The following ANO2 variants were observed in gnomAD, a reference collection of about 807,000 sequenced individuals.
The protein encoded by ANO2 is anoctamin-2.
Under a neutral mutation model 124.2 loss-of-function variants are expected in ANO2, and 101 were observed. The observed-to-expected ratio is 0.81, with a 90% CI of 0.69 to 0.96. The LOEUF (loss-of-function observed/expected upper bound fraction) is 0.96, where lower values mean the gene tolerates loss of function less well. ANO2 is among the 40% of genes least tolerant of loss of function. The pLI, the probability that ANO2 is intolerant of heterozygous loss-of-function variation, is 0.00. For synonymous variants in ANO2, 486 were observed against 482.5 expected, an observed-to-expected ratio of 1.01 and a Z score of -0.09; for missense variants, 1,293 against 1,274.5, an observed-to-expected ratio of 1.01 and a Z score of -0.22.
chr12:5,860,244 C>T (rs539220258), intron 3 of ANO2, among the ~76,000 whole-genome samples: 2 of 152,294 alleles, frequency 1.3e-5, no homozygotes, highest in African/African-American at 2.4e-5. Context: ...AAGCCTCTTC[C>T]TGAGCCGTGG....
rs182630296 is a variant in ANO2 at position 5,781,470 on chromosome 12, C to A, written c.1055+18037G>T. 1.4e-4 allele frequency among the ~76,000 whole-genome samples: 21 copies of A among 152,264 alleles called. No homozygotes were observed. The East Asian group carries it at 3.9e-3, about 28-fold the overall frequency. On this transcript the variant is annotated intron_variant, in intron 10 of 24. Transcript: ENST00000682330. ...TTACAAGATTGACAAAGTTCTATCT[C>A]TAGGATTGAGATGTTTGCCTGGAGT...
intron 14 of ANO2, among the ~76,000 whole-genome samples, chr12:5,710,090 G>C (rs1356104321): frequency 6.6e-6 from 1 of 152,198 alleles, no homozygotes; most frequent in Non-Finnish European, 1.5e-5. Flanking sequence ...GAACTTAAAA[G>C]TGAGATTAGT....
chr12:5,732,485 A>T, intron 14 of ANO2, 35 bp downstream of exon 14: 1 of 1,562,474 alleles, frequency 6.4e-7, no homozygotes, highest in Non-Finnish European at 8.7e-7. Flanking sequence ...CTCAACAAGT[A>T]AAGAGGACCG....
At chr12:5,740,059 C>A in intron 12 of ANO2, 1 of 442,736 alleles carries the variant, frequency 2.3e-6, no homozygotes, top group South Asian at 1.6e-5. Flanking sequence ...CCTGCCCCAC[C>A]CACGGCCCTT....
intron 3 of ANO2, among the ~76,000 whole-genome samples, chr12:5,870,972 T>C (rs1937655082): frequency 6.6e-6 from 1 of 152,254 alleles, no homozygotes; most frequent in African/African-American, 2.4e-5. Flanking sequence ...GCAAAGTGTT[T>C]TGATCTAACA....
chr12:5,650,349 C>T (rs1245580623), intron 14 of ANO2, among the ~76,000 whole-genome samples: 1 of 152,182 alleles, frequency 6.6e-6, no homozygotes, highest in Non-Finnish European at 1.5e-5. Context: ...AGAAAAAATG[C>T]TCATTTTGAT....
intron 23 of ANO2, among the ~76,000 whole-genome samples, chr12:5,567,713 A>T (rs1335109518): frequency 6.6e-6 from 1 of 152,216 alleles, no homozygotes; most frequent in African/African-American, 2.4e-5. Context: ...CACCTCTGCT[A>T]TTAACTCACC....
intron 14 of ANO2, among the ~76,000 whole-genome samples, chr12:5,663,246 G>C (rs186203608): frequency 6.6e-6 from 1 of 152,230 alleles, no homozygotes; most frequent in Non-Finnish European, 1.5e-5. Flanking sequence ...TCCTTGGCAC[G>C]AGGGGCTTCA....
intron 10 of ANO2, among the ~76,000 whole-genome samples, chr12:5,763,507 T>C (rs1360588902): frequency 1.3e-5 from 2 of 151,992 alleles, no homozygotes; most frequent in Non-Finnish European, 2.9e-5. Context: ...TGAGGAAAAA[T>C]TGTATTTCCC....
upstream of ANO2, chr12:5,945,267 C>T (rs1565802743): frequency 5.5e-6 from 7 of 1,264,732 alleles, no homozygotes; most frequent in Non-Finnish European, 6.1e-6. Context: ...TCTGGGCAGG[C>T]TTATGCCGCC....
At chr12:5,929,701 T>G (rs1435823036) in intron 1 of ANO2, among the ~76,000 whole-genome samples, 1 of 143,088 alleles carries the variant, frequency 7.0e-6, no homozygotes, top group African/African-American at 2.9e-5. Context: ...TAGTCTATCT[T>G]CTTTCCTTAC....
At chr12:5,746,393 A>G (rs1047426566) in intron 11 of ANO2, among the ~76,000 whole-genome samples, 1 of 152,184 alleles carries the variant, frequency 6.6e-6, no homozygotes, top group Admixed American at 6.5e-5. Flanking sequence ...TTTTTGATGT[A>G]ATCAATTTTA....
chr12:5,619,105 T>C (rs1269413335), intron 16 of ANO2, among the ~76,000 whole-genome samples: 1 of 152,108 alleles, frequency 6.6e-6, no homozygotes, highest in African/African-American at 2.4e-5. Context: ...TAGAGGAAGA[T>C]CAAAGCATGT....
intron 21 of ANO2, among the ~76,000 whole-genome samples, 153 bp from the exon 22 acceptor site, chr12:5,578,160 C>T (rs1942528424): frequency 6.6e-6 from 1 of 152,168 alleles, no homozygotes; most frequent in Non-Finnish European, 1.5e-5. Flanking sequence ...TTAGGTAGCC[C>T]CCCCATCTGG....
intron 2 of ANO2, among the ~76,000 whole-genome samples, chr12:5,922,357 C>G (rs775440083): frequency 2.0e-5 from 3 of 152,208 alleles, no homozygotes; most frequent in Non-Finnish European, 4.4e-5. Flanking sequence ...AGGAGGGGAA[C>G]CAGGGGGCCT....
intron 1 of ANO2, among the ~76,000 whole-genome samples, chr12:5,923,174 G>GCACACATA (rs1941867959): frequency 1.1e-4 from 1 of 8,884 alleles, no homozygotes; most frequent in Non-Finnish European, 3.7e-4. Flanking sequence ...ACACACACAC[G>GCACACATA]CACACACACA....
chr12:5,904,182 T>C lies in ANO2; in HGVS notation c.534+16858A>G, dbSNP rs965108103. Among the ~76,000 whole-genome samples the C allele has an allele frequency of 2.0e-5, 3 of 152,168 alleles. No individual in the cohort carries two copies. Among genetic ancestry groups the C allele is most frequent in the African/African-American group, 7.2e-5 (3 of 41,436 alleles). On this transcript the variant is annotated intron_variant, in intron 3 of 24. Transcript: ENST00000682330. The surrounding 1 kb of genome is among the most constrained non-coding windows in gnomAD (Gnocchi z 4.1). Reference sequence around the variant, plus strand: ...GCTGCTGCAGCATTAGTCTCCAATGTAAGCAGCTTATGGAAGCTGTAGTAA... The same window carrying C: ...GCTGCTGCAGCATTAGTCTCCAATGCAAGCAGCTTATGGAAGCTGTAGTAA...
intron 9 of ANO2, among the ~76,000 whole-genome samples, chr12:5,800,145 A>G (rs1952995040): frequency 6.6e-6 from 1 of 152,140 alleles, no homozygotes; most frequent in African/African-American, 2.4e-5. Flanking sequence ...GACACAAAGG[A>G]AGGGGGGAGG....
At chr12:5,852,042 G>A (rs926759340) in intron 4 of ANO2, 2 of 705,884 alleles carry the variant, frequency 2.8e-6, no homozygotes, top group East Asian at 5.3e-5. Flanking sequence ...TACACATTCA[G>A]ATAAACCAGA....
Sources: gnomAD v4.1 joint callset for allele counts (sites outside exome capture counted in the v4.1 genomes callset) on GRCh38, gnomAD v4.1.1 for gene constraint, Gnocchi (gnomAD v3.1) non-coding constraint, MANE v1.5 for transcripts, NCBI Gene and HGNC (gene_info 2026-07-23, HGNC 2026-07-21) for gene names.